Variants in COL7A1 observed in about 807,000 individuals in gnomAD.
COL7A1 encodes collagen alpha-1(VII) chain.
In COL7A1, 296 loss-of-function variants were observed where a neutral mutation model predicts 456.2. That is an observed-to-expected ratio of 0.65 (90% CI 0.59 to 0.71). The LOEUF (loss-of-function observed/expected upper bound fraction) is 0.71, where lower values mean the gene tolerates loss of function less well. Ranked by LOEUF, COL7A1 falls within the 30% of genes least tolerant of loss-of-function variation. The probability of loss-of-function intolerance (pLI) is 0.00; values close to 1 mark genes in which losing one functional copy is unlikely to be tolerated. For missense variants in COL7A1, 3,441 were observed against 4,017.2 expected (o/e 0.86, Z 3.88); for synonymous variants, 1,464 against 1,525.9 (o/e 0.96, Z 0.95).
rs778758419 is a variant in COL7A1, at chr3:48,583,639, G to A, written c.4342-24C>T. The A allele has an allele frequency of 6.2e-7, 1 of 1,613,990 alleles. No individual in the cohort carries two copies. Among genetic ancestry groups the A allele is most frequent in the Admixed American group, 1.7e-5 (1 of 60,026 alleles). The stretch of plus-strand genomic sequence containing the variant: ...CCCTGAAGGAGAAACACACGGGTGG[G>A]AAGACCGAAGGGAGGCCCTGCCCCC... On this transcript the variant is annotated intron_variant, in intron 40 of 118. Coordinates refer to ENST00000681320, the MANE Select transcript of COL7A1 (RefSeq NM_000094.4). The surrounding 1 kb of genome is among the most constrained non-coding windows in gnomAD (Gnocchi z 5.1).
chr3:48,564,464 T>A lies in COL7A1; in HGVS notation c.8819-42A>T, dbSNP rs1168294743. ...GGAAACGGTCGTCAGCCATCTGACC[T>A]TCCCCGGAGACGCTCAGGCAGAGGC... On this transcript the variant is annotated intron_variant, in intron 118 of 118. Transcript: ENST00000681320. The surrounding 1 kb of genome is among the most constrained non-coding windows in gnomAD (Gnocchi z 6.0). The A allele has an allele frequency of 2.5e-6, 4 of 1,612,282 alleles. No homozygotes were observed. Among genetic ancestry groups the A allele is most frequent in the Non-Finnish European group, 8.5e-7 (1 of 1,179,034 alleles).
chr3:48,573,554 G>C lies in COL7A1; in HGVS notation c.6577C>G (p.Leu2193Val). The change falls in exon 83 of 119, where the codon CTT becomes GTT. Residue 2193 changes from leucine (L) to valine (V), a missense_variant. Leu to Val is a conservative substitution (Grantham distance 32). Transcript: ENST00000681320. The surrounding 1 kb of genome is among the most constrained non-coding windows in gnomAD (Gnocchi z 5.5). ...CCTTGGGGTCCTGCAGGGCCAGCAA[G>C]ACCCTAGAGAAAAGGGTCAAGGGCA... ...GDPGPPGAPGLAGPAGPQGPS... is the reference protein window; with the variant it reads ...GDPGPPGAPGVAGPAGPQGPS... The C allele has an allele frequency of 6.2e-7, 1 of 1,614,100 alleles. No individual in the cohort carries two copies. The highest frequency in any genetic ancestry group is 1.1e-5 in the South Asian group (1 of 91,080).
Position 48,590,257 on chromosome 3 carries a change from C to T in COL7A1, c.2006G>A (p.Arg669Gln), listed in dbSNP as rs758407585. ...TGCAGCAGGGCCCTCCTCTCTGCCT[C>T]GCAGTACCGACACAGCCACCTGGTA... Reference protein sequence around the residue: ...TTYQVAVSVLRGREEGPAAVI... With the variant: ...TTYQVAVSVLQGREEGPAAVI... The change falls in exon 16 of 119, where the codon CGA becomes CAA. Residue 669 changes from arginine to glutamine, a missense_variant. Arg to Gln is a conservative substitution (Grantham distance 43). Around this residue, in one of 3 missense-constraint regions of COL7A1, gnomAD observed 913 missense variants for 1,088.2 expected, o/e 0.84. Transcript: ENST00000681320. The surrounding 1 kb of genome is among the most constrained non-coding windows in gnomAD (Gnocchi z 4.6). The T allele has an allele frequency of 9.9e-6, 16 of 1,613,716 alleles. No homozygotes were observed. The highest frequency in any genetic ancestry group is 8.8e-5 in the South Asian group (8 of 91,074).
At position 48,573,240 on chromosome 3, in the gene COL7A1, G is replaced by C. The variant is rs1413233003; in HGVS notation, c.6652-4C>G. On this transcript the variant is annotated splice_polypyrimidine_tract_variant and splice_region_variant and intron_variant, in intron 84 of 118. Transcript: ENST00000681320. The surrounding 1 kb of genome is among the most constrained non-coding windows in gnomAD (Gnocchi z 5.5). ...CTCCAGTAGGTCCAGTCAGGCCCTG[G>C]AGGAAGAGAAAGTTCAGGGCAGTGC... 3 of 1,614,102 alleles carry C rather than the reference G, an allele frequency of 1.9e-6. No individual in the cohort carries two copies. The highest frequency in any genetic ancestry group is 1.7e-5 in the Admixed American group (1 of 60,028).
Position 48,581,835 on chromosome 3 carries a change from C to T in COL7A1, c.4668+76G>A. The T allele has an allele frequency of 6.2e-7, 1 of 1,613,436 alleles. No individual in the cohort carries two copies. The stretch of plus-strand genomic sequence containing the variant: ...CTGACCCAGCAAGTCCTGTGACCCC[C>T]CAAGTCCCATAGATAGGCCCTATGA... On this transcript the variant is annotated intron_variant, in intron 48 of 118. Coordinates refer to ENST00000681320, the MANE Select transcript of COL7A1 (RefSeq NM_000094.4). The surrounding 1 kb of genome is among the most constrained non-coding windows in gnomAD (Gnocchi z 5.8).
rs1212849228 is a variant in COL7A1, at chr3:48,590,359, G to A, written c.1907-3C>T. The A allele has an allele frequency of 6.2e-7, 1 of 1,613,982 alleles. No individual in the cohort carries two copies. The highest frequency in any genetic ancestry group is 8.5e-7 in the Non-Finnish European group (1 of 1,180,010). ...CAGTGTCTGGCTGGACTCCGGACCT[G>A]AGGTCAGAGGGAAATGCTGGCATGG... On this transcript the variant is annotated splice_region_variant and splice_polypyrimidine_tract_variant and intron_variant, in intron 15 of 118. Coordinates refer to ENST00000681320, the MANE Select transcript of COL7A1 (RefSeq NM_000094.4). This position sits in a 1 kb window ranked among gnomAD's most constrained non-coding sequence, Gnocchi z 4.6.
rs764503530 is a variant in COL7A1 at position 48,579,860 on chromosome 3, G to A, written c.5125-46C>T. On this transcript the variant is annotated intron_variant, in intron 57 of 118. Coordinates refer to ENST00000681320, the MANE Select transcript of COL7A1 (RefSeq NM_000094.4). This position sits in a 1 kb window ranked among gnomAD's most constrained non-coding sequence, Gnocchi z 4.4. The stretch of plus-strand genomic sequence containing the variant: ...GAGAAGAATGGCTCAACAAGGGGAA[G>A]AGGAGTTGGCGAGGGGATACAGGGT... 6.2e-7 allele frequency: 1 copy of A among 1,613,960 alleles called. No individual in the cohort carries two copies. Among genetic ancestry groups the A allele is most frequent in the East Asian group, 2.2e-5 (1 of 44,862 alleles).
intron 65 of COL7A1, 125 bp from the exon 66 acceptor site, chr3:48,577,152 C>T (rs2107684840): frequency 1.5e-5 from 21 of 1,354,938 alleles, no homozygotes; most frequent in South Asian, 1.5e-4. Context: ...TTGTGTGTGT[C>T]TTGGAGCATG....
chr3:48,587,581 T>A lies in COL7A1; in HGVS notation c.2858-27A>T, dbSNP rs1159441285. On this transcript the variant is annotated intron_variant, in intron 22 of 118. Coordinates refer to ENST00000681320, the MANE Select transcript of COL7A1 (RefSeq NM_000094.4). The surrounding 1 kb of genome is among the most constrained non-coding windows in gnomAD (Gnocchi z 6.1). The stretch of plus-strand genomic sequence containing the variant: ...TGAAGGAGGAATGAAAGATCGAGGA[T>A]CAGAGGCTGAGTCCTGAGAACCCAG... The A allele has an allele frequency of 6.2e-7, 1 of 1,613,296 alleles. No individual in the cohort carries two copies. The highest frequency in any genetic ancestry group is 8.5e-7 in the Non-Finnish European group (1 of 1,180,006).
chr3:48,570,840 A>T lies in COL7A1; in HGVS notation c.7272+21T>A. On this transcript the variant is annotated intron_variant, in intron 95 of 118. Transcript: ENST00000681320. This position sits in a 1 kb window ranked among gnomAD's most constrained non-coding sequence, Gnocchi z 5.5. ...CACCATGGATTCACCATGCCCCTAC[A>T]TGCTGTTCCCAGCCCCTCACCCGCT... 1 of 1,597,706 alleles carries T rather than the reference A, an allele frequency of 6.3e-7. No individual in the cohort carries two copies. Among genetic ancestry groups the T allele is most frequent in the Non-Finnish European group, 8.5e-7 (1 of 1,172,350 alleles).
Position 48,571,430 on chromosome 3 carries a change from G to A in COL7A1, c.7069-152C>T. 1 of 904,336 alleles carries A rather than the reference G, an allele frequency of 1.1e-6. No individual in the cohort carries two copies. Among genetic ancestry groups the A allele is most frequent in the Non-Finnish European group, 1.8e-6 (1 of 555,918 alleles). 56.0% of individuals were successfully genotyped at this position (904,336 alleles called of 1,614,324 possible). ...CCAAGAATTGGCTCACAGGAGCTCAGACATGACCATGGCCTATCTCAGGAC... is the reference window on the plus strand; with the variant it reads ...CCAAGAATTGGCTCACAGGAGCTCAAACATGACCATGGCCTATCTCAGGAC... On this transcript the variant is annotated intron_variant, in intron 92 of 118. Transcript: ENST00000681320. The surrounding 1 kb of genome is among the most constrained non-coding windows in gnomAD (Gnocchi z 4.6).
chr3:48,584,731 T>C lies in COL7A1; in HGVS notation c.4047+3A>G, dbSNP rs2045100159. On this transcript the variant is annotated splice_donor_region_variant and intron_variant, in intron 35 of 118. Coordinates refer to ENST00000681320, the MANE Select transcript of COL7A1 (RefSeq NM_000094.4). ...CGGCCGCCTCCCTTCCCCCTTCACC[T>C]ACCGGCTCCCCCTTTGGGCCTCGAG... The C allele has an allele frequency of 1.2e-6, 2 of 1,613,824 alleles. No individual in the cohort carries two copies. Among genetic ancestry groups the C allele is most frequent in the South Asian group, 1.1e-5 (1 of 91,090 alleles).
Position 48,574,609 on chromosome 3 carries a change from T to A in COL7A1, c.6394-59A>T, listed in dbSNP as rs533072083. 5.0e-6 allele frequency: 8 copies of A among 1,613,670 alleles called. No individual in the cohort carries two copies. In the South Asian group the frequency reaches 6.6e-5, roughly 13 times the overall value. On this transcript the variant is annotated intron_variant, in intron 78 of 118. Transcript: ENST00000681320. This position sits in a 1 kb window ranked among gnomAD's most constrained non-coding sequence, Gnocchi z 5.0. ...TCCCTGCCACGTGCCCAGGTGCATA[T>A]GCACACCACCTCTAGTGTGCCCCCA...
rs745939385 is a variant in COL7A1 at position 48,593,173 on chromosome 3, A to G, written c.611T>C (p.Leu204Ser). Residue 204 changes from leucine (L) to serine (S), a missense_variant, in exon 6 of 119, where the codon TTG becomes TCG. Leu to Ser is a moderately radical substitution (Grantham distance 145, BLOSUM62 -2). Transcript: ENST00000681320. The surrounding 1 kb of genome is among the most constrained non-coding windows in gnomAD (Gnocchi z 4.4). The part of the protein sequence containing the change: ...FFFFVNDFSI[L>S]RTLLPLVSRR... ...GGAAACGAGGGGCAGTAGTGTCCTC[A>G]AGATGCTGAAGTCATTGACGAAGAA... 13 of 1,614,120 alleles carry G rather than the reference A, an allele frequency of 8.1e-6. 1 individual carries two copies. In the Middle Eastern group the frequency reaches 1.3e-3, roughly 164 times the overall value.
In COL7A1 at chr3:48,572,647, G is replaced by A. The variant is rs752042725; in HGVS notation, c.6900+24C>T. 1.6e-5 allele frequency: 26 copies of A among 1,603,630 alleles called. No individual in the cohort carries two copies. Among genetic ancestry groups the A allele is most frequent in the East Asian group, 1.1e-4 (5 of 44,368 alleles). ...TGAGGCAGAGGAGTTGCTGCAGGGG[G>A]TGGAAGTCAGGGTCAAAGATCACCT... On this transcript the variant is annotated intron_variant, in intron 88 of 118. Coordinates refer to ENST00000681320, the MANE Select transcript of COL7A1 (RefSeq NM_000094.4). The surrounding 1 kb of genome is among the most constrained non-coding windows in gnomAD (Gnocchi z 4.6).
rs1485038143 is a variant in COL7A1 at position 48,565,915 on chromosome 3, G to GA, written c.8408-248dup. Reference sequence around the variant, plus strand: ...AAGAGACAGAAGCAGGCCAGACACAGAAACAGGCAGGTGGTGCAGACAGAG... The same window carrying GA: ...AAGAGACAGAAGCAGGCCAGACACAGAAAACAGGCAGGTGGTGCAGACAGAG... On this transcript the variant is annotated intron_variant, in intron 114 of 118. Transcript: ENST00000681320. This position sits in a 1 kb window ranked among gnomAD's most constrained non-coding sequence, Gnocchi z 4.5. 6.6e-6 allele frequency among the ~76,000 whole-genome samples: 1 copy of GA among 152,170 alleles called. No homozygotes were observed. Among genetic ancestry groups the GA allele is most frequent in the African/African-American group, 2.4e-5 (1 of 41,434 alleles).
At position 48,591,954 on chromosome 3, in the gene COL7A1, G is replaced by A; in HGVS notation, c.1301C>T (p.Ser434Phe). 6.2e-7 allele frequency: 1 copy of A among 1,614,226 alleles called. No individual in the cohort carries two copies. Among genetic ancestry groups the A allele is most frequent in the Non-Finnish European group, 8.5e-7 (1 of 1,180,040 alleles). Reference sequence around the variant, plus strand: ...ACGGGCCTCAGGCACCAAGTTCCAGGAAAGGAGGATGGATGTGGGGCCCAG... The same window carrying A: ...ACGGGCCTCAGGCACCAAGTTCCAGAAAAGGAGGATGGATGTGGGGCCCAG... The part of the protein sequence containing the change: ...VILGPTSILL[S>F]WNLVPEARGY... Residue 434 changes from serine (S) to phenylalanine (F), a missense_variant, in exon 11 of 119, where the codon TCC becomes TTC. Around this residue, in one of 3 missense-constraint regions of COL7A1, gnomAD observed 913 missense variants for 1,088.2 expected, o/e 0.84. Coordinates refer to ENST00000681320, the MANE Select transcript of COL7A1 (RefSeq NM_000094.4). The surrounding 1 kb of genome is among the most constrained non-coding windows in gnomAD (Gnocchi z 7.0).
rs2043989608 is a variant in COL7A1, at chr3:48,572,428, A to AG, written c.6937-8dup. 5 of 1,613,998 alleles carry AG rather than the reference A, an allele frequency of 3.1e-6. No homozygotes were observed. Among genetic ancestry groups the AG allele is most frequent in the Non-Finnish European group, 4.2e-6 (5 of 1,179,970 alleles). On this transcript the variant is annotated splice_region_variant and splice_polypyrimidine_tract_variant and intron_variant, in intron 89 of 118. Transcript: ENST00000681320. This position sits in a 1 kb window ranked among gnomAD's most constrained non-coding sequence, Gnocchi z 4.6. ...CAAGGCCTCCAGGGGCTCCCTGGTA[A>AG]GGGGGAGAGGTCAGTGGGATTCCTT...
chr3:48,594,228 T>C lies in COL7A1; in HGVS notation c.266+140A>G. 1.1e-6 allele frequency: 1 copy of C among 947,310 alleles called. No homozygotes were observed. Among genetic ancestry groups the C allele is most frequent in the South Asian group, 1.6e-5 (1 of 63,074 alleles). 58.7% of individuals were successfully genotyped at this position (947,310 alleles called of 1,614,324 possible). A position where few individuals can be genotyped will look rare whatever the true frequency, so the allele number is the denominator to read the frequency against. On this transcript the variant is annotated intron_variant, in intron 3 of 118. Coordinates refer to ENST00000681320, the MANE Select transcript of COL7A1 (RefSeq NM_000094.4). The surrounding 1 kb of genome is among the most constrained non-coding windows in gnomAD (Gnocchi z 5.5). ...TCCTTACCTCTGTCTCCAAAGGAGG[T>C]CCTGGCTAGGGGGTCTCTAGGTTCC...
Sources: gnomAD v4.1 joint callset for allele counts (sites outside exome capture counted in the v4.1 genomes callset) on GRCh38, gnomAD v4.1.1 for gene constraint, gnomAD v4.1.1 regional missense constraint, Gnocchi (gnomAD v3.1) non-coding constraint, MANE v1.5 for transcripts, NCBI Gene and HGNC (gene_info 2026-07-23, HGNC 2026-07-21) for gene names.